The following SYT7 variants were observed in gnomAD, a reference collection of about 807,000 sequenced individuals.
SYT7 encodes the protein synaptotagmin 7.
In SYT7, 29 loss-of-function variants were observed where a neutral mutation model predicts 75.1. That is an observed-to-expected ratio of 0.39 (90% CI 0.29 to 0.53). The LOEUF (loss-of-function observed/expected upper bound fraction) is 0.53. SYT7 is among the 20% of genes least tolerant of loss of function. The pLI is 0.77. For synonymous variants in SYT7, 376 were observed against 401.7 expected (o/e 0.94, Z 0.76); for missense variants, 693 against 953.2 (o/e 0.73, Z 3.59).
chr11:61,546,710 G>A lies in SYT7; in HGVS notation c.348-455C>T. 2 of 454,914 alleles carry A rather than the reference G, an allele frequency of 4.4e-6. No homozygotes were observed. Among genetic ancestry groups the A allele is most frequent in the Non-Finnish European group, 8.8e-6 (2 of 226,822 alleles). 28.2% of individuals were successfully genotyped at this position (454,914 alleles called of 1,614,324 possible). ...CAGGGAGAAAGAGAAAGCCGTGTTA[G>A]TCAGAGTTCATCACCACCACCACCA... On this transcript the variant is annotated intron_variant, in intron 4 of 12. Transcript: ENST00000539008. The surrounding 1 kb of genome is among the most constrained non-coding windows in gnomAD (Gnocchi z 7.6).
At position 61,580,845 on chromosome 11, in the gene SYT7, C is replaced by A. The variant is rs1339477859; in HGVS notation, c.-25G>T. The A allele has an allele frequency of 8.1e-7, 1 of 1,238,500 alleles. No homozygotes were observed. The highest frequency in any genetic ancestry group is 1.0e-6 in the Non-Finnish European group (1 of 989,140). The allele number at this position is 1,238,500 out of a possible 1,614,324, so 76.7% of individuals were successfully genotyped here. On this transcript the variant is annotated 5_prime_UTR_variant, in exon 1 of 13. Coordinates refer to ENST00000539008, the MANE Select transcript of SYT7 (RefSeq NM_001365809.2). This position sits in a 1 kb window ranked among gnomAD's most constrained non-coding sequence, Gnocchi z 6.1. Reference sequence around the variant, plus strand: ...TGGTCCCCTCGTCGCCGGTTCCCTCCGGGCTCCTCAGAGCCGCCCGCGGCC... The same window carrying A: ...TGGTCCCCTCGTCGCCGGTTCCCTCAGGGCTCCTCAGAGCCGCCCGCGGCC...
rs1377439771 is a variant in SYT7 at position 61,546,220 on chromosome 11, G to A, written c.383C>T (p.Ala128Val). The stretch of plus-strand genomic sequence containing the variant: ...TTCCCGCTCCACCGCCAGCCCCGCC[G>A]CGGCGGCCACTTTGGCGCCCGACAG... Reference protein sequence around the residue: ...TLLSGAKVAAAAGLAVEREGR... With the variant: ...TLLSGAKVAAVAGLAVEREGR... The change falls in exon 5 of 13, where the codon GCG (alanine) becomes GTG (valine). Residue 128 changes from alanine (A) to valine (V), a missense_variant. Physicochemically the swap from Ala to Val is moderately conservative, Grantham distance 64. This residue lies in a region of SYT7 where 487 missense variants were observed against 593.2 expected (regional missense o/e 0.82). Transcript: ENST00000539008. This position sits in a 1 kb window ranked among gnomAD's most constrained non-coding sequence, Gnocchi z 7.6. 18 of 1,467,718 alleles carry A rather than the reference G, an allele frequency of 1.2e-5. No individual in the cohort carries two copies. The highest frequency in any genetic ancestry group is 8.1e-5 in the South Asian group (6 of 73,852). The allele number at this position is 1,467,718 out of a possible 1,614,324, so 90.9% of individuals were successfully genotyped here. A position where few individuals can be genotyped will look rare whatever the true frequency, so the allele number is the denominator to read the frequency against.
intron 12 of SYT7, among the ~76,000 whole-genome samples, chr11:61,520,562 T>G (rs2062292774): frequency 6.7e-6 from 1 of 150,156 alleles, no homozygotes; most frequent in East Asian, 2.0e-4. Context: ...CGGTGGCTCC[T>G]GCCTATAATC....
In SYT7 at chr11:61,523,145, A is replaced by G; in HGVS notation, c.1886T>C (p.Leu629Pro). ...AGTGATGATGATGGTCGTCTCCCTC[A>G]GCTTCTCCGTGGGGATATCGAAGGC... ...SFAFDIPTEK[L>P]RETTIIITVM... The change falls in exon 12 of 13, where the codon CTG becomes CCG. Residue 629 changes from leucine (L) to proline (P), a missense_variant. Coordinates refer to ENST00000539008, the MANE Select transcript of SYT7 (RefSeq NM_001365809.2). This position sits in a 1 kb window ranked among gnomAD's most constrained non-coding sequence, Gnocchi z 5.0. The G allele has an allele frequency of 6.2e-7, 1 of 1,614,080 alleles. No homozygotes were observed. The highest frequency in any genetic ancestry group is 8.5e-7 in the Non-Finnish European group (1 of 1,180,000).
upstream of SYT7, among the ~76,000 whole-genome samples, chr11:61,582,069 C>G (rs1026017467): frequency 6.6e-6 from 1 of 151,544 alleles, no homozygotes; most frequent in African/African-American, 2.4e-5. Flanking sequence ...CACACCTACA[C>G]ACGTAATCAC....
At position 61,523,843 on chromosome 11, in the gene SYT7, G is replaced by A; in HGVS notation, c.1740C>T (p.Asp580=). 1.9e-6 allele frequency: 3 copies of A among 1,614,022 alleles called. No individual in the cohort carries two copies. Among genetic ancestry groups the A allele is most frequent in the Non-Finnish European group, 2.5e-6 (3 of 1,179,972 alleles). ...IIKARNLKAM[D]IGGTSDPYVK... is the part of the protein sequence containing the mutation. ...GCCCCGTACCTGATGTGCCCCCGAT[G>A]TCCATGGCTTTGAGGTTCCGGGCTT... The change falls in exon 11 of 13, where the codon GAC becomes GAT. Residue 580 remains aspartate, a synonymous_variant. Transcript: ENST00000539008. The surrounding 1 kb of genome is among the most constrained non-coding windows in gnomAD (Gnocchi z 5.0).
At chr11:61,541,098 C>G in intron 6 of SYT7, 1 of 985,550 alleles carries the variant, frequency 1.0e-6, no homozygotes, top group Non-Finnish European at 1.2e-6. Context: ...GTGCTCCCAT[C>G]TGCCCGGGAA....
At chr11:61,532,860 C>T (rs1344105432) in intron 8 of SYT7, 129 bp downstream of exon 8, 3 of 1,359,754 alleles carry the variant, frequency 2.2e-6, no homozygotes, top group Admixed American at 2.5e-5. Flanking sequence ...GCTCTCCAGG[C>T]TGCTTCTGAC....
chr11:61,568,645 C>A (rs973316546), intron 1 of SYT7, among the ~76,000 whole-genome samples: 4 of 152,184 alleles, frequency 2.6e-5, no homozygotes, highest in African/African-American at 9.6e-5. Flanking sequence ...TGCCATTCAG[C>A]TGGATCTACC....
chr11:61,525,226 A>T (rs117850532), intron 9 of SYT7, among the ~76,000 whole-genome samples: 3,387 of 152,320 alleles, frequency 0.022, 78 homozygotes, highest in Non-Finnish European at 0.031. Flanking sequence ...TGCGGCAGCC[A>T]GAGAGACCTT....
chr11:61,531,074 C>T, intron 8 of SYT7: 1 of 985,484 alleles, frequency 1.0e-6, no homozygotes, highest in Non-Finnish European at 1.2e-6. Flanking sequence ...CTCTTGACCC[C>T]CAGATTCCAC....
intron 8 of SYT7, among the ~76,000 whole-genome samples, chr11:61,531,891 CAAAAAAAAAAAAA>C (rs58242073): frequency 5.1e-4 from 25 of 49,418 alleles, no homozygotes; most frequent in African/African-American, 1.4e-3. Context: ...GATTCTGTCT[CAAAAAAAAAAAAA>C]AAAAAAAAAA....
Position 61,542,288 on chromosome 11 carries a change from G to A in SYT7, c.864C>T (p.Arg288=). The A allele has an allele frequency of 2.0e-6, 3 of 1,534,842 alleles. No individual in the cohort carries two copies. The highest frequency in any genetic ancestry group is 2.5e-5 in the East Asian group (1 of 40,742). ...AGSKYRAAGG[R]SRSNPGSWDH... The stretch of plus-strand genomic sequence containing the variant: ...CCCAGCTGCCTGGGTTGGAGCGGCT[G>A]CGGCCCCCTGCCGCCCGGTACTTGG... Residue 288 remains arginine, a synonymous_variant, in exon 6 of 13, where the codon CGC becomes CGT. Coordinates refer to ENST00000539008, the MANE Select transcript of SYT7 (RefSeq NM_001365809.2). The surrounding 1 kb of genome is among the most constrained non-coding windows in gnomAD (Gnocchi z 7.8).
intron 1 of SYT7, among the ~76,000 whole-genome samples, chr11:61,561,649 G>A: frequency 6.6e-6 from 1 of 152,142 alleles, no homozygotes; most frequent in East Asian, 1.9e-4. Context: ...ACCAACGGTG[G>A]AGCATTTAAT....
In SYT7 at chr11:61,520,700, G is replaced by A. The variant is rs578153349; in HGVS notation, c.1957-1969C>T. Among the ~76,000 whole-genome samples, 3 of 152,292 alleles carry A rather than the reference G, an allele frequency of 2.0e-5. No individual in the cohort carries two copies. In the South Asian group the frequency reaches 6.2e-4, roughly 32 times the overall value. The stretch of plus-strand genomic sequence containing the variant: ...TATCCCAGCATGGTGGCAGATGCCT[G>A]TAATCCCAGCTACTTGGGAGGCTGA... On this transcript the variant is annotated intron_variant, in intron 12 of 12. Coordinates refer to ENST00000539008, the MANE Select transcript of SYT7 (RefSeq NM_001365809.2).
At chr11:61,538,492 T>C (rs1165130344) in intron 6 of SYT7, among the ~76,000 whole-genome samples, 1 of 150,672 alleles carries the variant, frequency 6.6e-6, no homozygotes, top group African/African-American at 2.4e-5. Context: ...AGTTGCAGGA[T>C]AGAGTGGGGA....
At position 61,553,220 on chromosome 11, in the gene SYT7, C is replaced by A. The variant is rs1246596241; in HGVS notation, c.136-1757G>T. ...AATCTCAAACAATTCCCAGTTCCAA[C>A]TGGGAAGATCCTATGCGGCTGTGCC... On this transcript the variant is annotated intron_variant, in intron 2 of 12. Coordinates refer to ENST00000539008, the MANE Select transcript of SYT7 (RefSeq NM_001365809.2). This position sits in a 1 kb window ranked among gnomAD's most constrained non-coding sequence, Gnocchi z 5.2. Among the ~76,000 whole-genome samples, 2 of 152,248 alleles carry A rather than the reference C, an allele frequency of 1.3e-5. No individual in the cohort carries two copies. The highest frequency in any genetic ancestry group is 1.3e-4 in the Admixed American group (2 of 15,286).
At chr11:61,541,205 C>T (rs1338086829) in intron 6 of SYT7, 2 of 985,596 alleles carry the variant, frequency 2.0e-6, no homozygotes, top group African/African-American at 1.7e-5. Context: ...TTTCCTCCTC[C>T]CTTTCTCCTC....
intron 1 of SYT7, among the ~76,000 whole-genome samples, chr11:61,563,443 G>A (rs890290887): frequency 1.3e-5 from 2 of 152,160 alleles, no homozygotes; most frequent in African/African-American, 4.8e-5. Flanking sequence ...CAGATACTGC[G>A]CCATGAAGTT....
Sources: allele counts gnomAD v4.1 joint callset (sites outside exome capture counted in the v4.1 genomes callset), GRCh38; gene constraint gnomAD v4.1.1; regional missense constraint gnomAD v4.1.1; non-coding constraint Gnocchi (gnomAD v3.1); transcripts MANE v1.5; gene names NCBI Gene and HGNC (gene_info 2026-07-23, HGNC 2026-07-21).